Variants in PTPRR observed in about 807,000 individuals in gnomAD.
PTPRR encodes the protein receptor-type tyrosine-protein phosphatase R.
Under a neutral mutation model 77.2 loss-of-function variants are expected in PTPRR, and 38 were observed. The ratio of observed to expected loss-of-function variants is 0.49; its 90% confidence interval spans 0.38 to 0.65. The LOEUF is 0.65. Ranked by LOEUF, PTPRR falls within the 30% of genes least tolerant of loss-of-function variation. PTPRR has a pLI of 0.00. For synonymous variants in PTPRR, 299 were observed against 283.1 expected (o/e 1.06, Z -0.57); for missense variants, 744 against 799.2 (o/e 0.93, Z 0.83).
intron 2 of PTPRR, among the ~76,000 whole-genome samples, chr12:70,867,918 C>T (rs757608185): frequency 6.6e-6 from 1 of 152,108 alleles, no homozygotes; most frequent in African/African-American, 2.4e-5. Flanking sequence ...ACAAACCTGA[C>T]AAAAACAAGC....
chr12:70,653,197 T>C (rs1886458447), intron 13 of PTPRR, among the ~76,000 whole-genome samples: 1 of 152,092 alleles, frequency 6.6e-6, no homozygotes, highest in East Asian at 1.9e-4. Flanking sequence ...TGAAAGTCAA[T>C]GTGGGAGCAG....
intron 10 of PTPRR, chr12:70,672,702 G>C (rs753119848): frequency 6.5e-7 from 1 of 1,545,280 alleles, no homozygotes; most frequent in East Asian, 2.7e-5. Context: ...GGATAGCGTG[G>C]GTCTCCCAGT....
At chr12:70,716,366 A>T (rs1050388310) in intron 6 of PTPRR, among the ~76,000 whole-genome samples, 1 of 152,004 alleles carries the variant, frequency 6.6e-6, no homozygotes, top group Non-Finnish European at 1.5e-5. Context: ...GCCTCTAATG[A>T]AATTTATGTA....
At chr12:70,650,550 G>A (rs2136653110) in intron 13 of PTPRR, among the ~76,000 whole-genome samples, 1 of 152,256 alleles carries the variant, frequency 6.6e-6, no homozygotes, top group Non-Finnish European at 1.5e-5. Flanking sequence ...GAGGCTCTCA[G>A]TAAATAATTG....
At chr12:70,700,052 C>G (rs1213486408) in intron 7 of PTPRR, among the ~76,000 whole-genome samples, 1 of 152,188 alleles carries the variant, frequency 6.6e-6, no homozygotes, top group Non-Finnish European at 1.5e-5. Context: ...TGACCACTGA[C>G]TTGTTCTTTC....
intron 2 of PTPRR, among the ~76,000 whole-genome samples, chr12:70,805,746 T>G (rs1891698970): frequency 6.6e-6 from 1 of 152,206 alleles, no homozygotes; most frequent in Non-Finnish European, 1.5e-5. Context: ...GATAATATTA[T>G]TATTCCCATT....
intron 2 of PTPRR, among the ~76,000 whole-genome samples, chr12:70,795,608 T>C (rs1449842992): frequency 1.3e-5 from 2 of 152,220 alleles, no homozygotes; most frequent in Admixed American, 6.5e-5. Context: ...ATAAATATCA[T>C]TTCTATTTGT....
At chr12:70,898,327 A>G (rs567366992) in intron 1 of PTPRR, among the ~76,000 whole-genome samples, 1 of 150,762 alleles carries the variant, frequency 6.6e-6, no homozygotes, top group South Asian at 2.1e-4. Flanking sequence ...ATAAATGTGA[A>G]CCCAATGCAT....
At chr12:70,774,605 G>A (rs1299942767) in intron 2 of PTPRR, among the ~76,000 whole-genome samples, 2 of 145,928 alleles carry the variant, frequency 1.4e-5, no homozygotes, top group African/African-American at 5.4e-5. Flanking sequence ...ATTTTCCTCA[G>A]TTCTCTGCTT....
intron 2 of PTPRR, among the ~76,000 whole-genome samples, chr12:70,871,109 G>A (rs903831466): frequency 2.0e-5 from 3 of 152,116 alleles, no homozygotes; most frequent in Non-Finnish European, 4.4e-5. Flanking sequence ...AAGGCTTGTG[G>A]CAAATTGGGT....
chr12:70,916,963 A>T (rs11178487), intron 1 of PTPRR, among the ~76,000 whole-genome samples: 1 of 152,030 alleles, frequency 6.6e-6, no homozygotes, highest in Non-Finnish European at 1.5e-5. Flanking sequence ...TTTGTTAGCA[A>T]AACATTCCCT....
At chr12:70,758,362 T>C (rs11178394) in intron 4 of PTPRR, among the ~76,000 whole-genome samples, 9,639 of 152,022 alleles carry the variant, frequency 0.063, 335 homozygotes, top group Middle Eastern at 0.095. Flanking sequence ...GGTACTTGCT[T>C]TAAAGCCAGC....
chr12:70,910,742 G>A (rs1184553625), intron 1 of PTPRR, among the ~76,000 whole-genome samples: 4 of 152,166 alleles, frequency 2.6e-5, no homozygotes, highest in Non-Finnish European at 5.9e-5. Flanking sequence ...TAGAGGTACA[G>A]AGGTTCCCAG....
chr12:70,834,322 C>T (rs1565713005), intron 2 of PTPRR, among the ~76,000 whole-genome samples: 1 of 152,188 alleles, frequency 6.6e-6, no homozygotes, highest in Non-Finnish European at 1.5e-5. Flanking sequence ...AGCAAAGCCT[C>T]ATGAATGACA....
chr12:70,861,871 G>T (rs1318741805), intron 2 of PTPRR, among the ~76,000 whole-genome samples: 1 of 152,048 alleles, frequency 6.6e-6, no homozygotes, highest in Non-Finnish European at 1.5e-5. Flanking sequence ...GTTCTTAAAG[G>T]GTACAGTTTG....
At chr12:70,753,708 G>T (rs952371079) in intron 5 of PTPRR, among the ~76,000 whole-genome samples, 3 of 152,068 alleles carry the variant, frequency 2.0e-5, no homozygotes, top group Non-Finnish European at 4.4e-5. Context: ...GCCTTTGAGG[G>T]TATAATCATC....
chr12:70,884,606 G>A (rs533652240), intron 2 of PTPRR, among the ~76,000 whole-genome samples: 1 of 151,978 alleles, frequency 6.6e-6, no homozygotes, highest in East Asian at 1.9e-4. Flanking sequence ...GGTGGCTCAC[G>A]CCTGTAATCC....
intron 2 of PTPRR, among the ~76,000 whole-genome samples, chr12:70,797,713 C>T (rs1267887021): frequency 6.6e-6 from 1 of 152,102 alleles, no homozygotes; most frequent in Non-Finnish European, 1.5e-5. Context: ...ATTGAGTACT[C>T]TTGTCTTCTT....
At chr12:70,735,407 T>A (rs1356232240) in intron 6 of PTPRR, among the ~76,000 whole-genome samples, 10 of 152,140 alleles carry the variant, frequency 6.6e-5, no homozygotes, top group Non-Finnish European at 8.8e-5. Context: ...CAAGAGAGTG[T>A]GTGCAAGGGA....
Sources: allele counts gnomAD v4.1 joint callset (sites outside exome capture counted in the v4.1 genomes callset), GRCh38; gene constraint gnomAD v4.1.1; transcripts MANE v1.5; gene names NCBI Gene and HGNC (gene_info 2026-07-23, HGNC 2026-07-21).